The following TTC28 variants were observed in gnomAD, a reference collection of about 807,000 sequenced individuals.
The protein encoded by TTC28 is tetratricopeptide repeat domain 28, also known as tetratricopeptide repeat protein 28.
A neutral mutation model predicts 198.0 loss-of-function variants in TTC28; 61 were observed. The ratio of observed to expected loss-of-function variants is 0.31; its 90% CI spans 0.25 to 0.38. TTC28 has a LOEUF of 0.38. TTC28 is among the 10% of genes least tolerant of loss of function. TTC28 has a pLI of 1.00. For missense variants in TTC28, 2,678 were observed against 3,164.0 expected (o/e 0.85, Z 3.69); for synonymous variants, 1,171 against 1,297.8 (o/e 0.90, Z 2.10).
chr22:28,040,291 G>T (rs1441488557), intron 12 of TTC28, among the ~76,000 whole-genome samples: 7 of 152,078 alleles, frequency 4.6e-5, no homozygotes, highest in African/African-American at 1.4e-4. Context: ...CAAAAAAAGA[G>T]AATTTTAGGC....
chr22:28,126,607 T>C (rs1293581280), intron 6 of TTC28, among the ~76,000 whole-genome samples: 1 of 152,230 alleles, frequency 6.6e-6, no homozygotes, highest in Non-Finnish European at 1.5e-5. Context: ...AAGGCAGTCA[T>C]TATACAAATA....
intron 2 of TTC28, among the ~76,000 whole-genome samples, chr22:28,406,459 G>C (rs1220104528): frequency 6.6e-6 from 1 of 152,212 alleles, no homozygotes; most frequent in Non-Finnish European, 1.5e-5. Flanking sequence ...GCTTGAGACA[G>C]ATGGGGAAGA....
At chr22:28,318,205 G>A (rs767090977) in intron 2 of TTC28, among the ~76,000 whole-genome samples, 8 of 151,870 alleles carry the variant, frequency 5.3e-5, no homozygotes, top group East Asian at 1.9e-4. Flanking sequence ...CCACTGCCCC[G>A]GCCGCCTCCA....
intron 2 of TTC28, among the ~76,000 whole-genome samples, chr22:28,585,437 A>G (rs371611139): frequency 6.6e-6 from 1 of 152,160 alleles, no homozygotes; most frequent in African/African-American, 2.4e-5. Flanking sequence ...TAAGGCTCCT[A>G]TGCGAATCTA....
At chr22:28,022,022 G>A (rs1569087721) in intron 13 of TTC28, among the ~76,000 whole-genome samples, 1 of 152,228 alleles carries the variant, frequency 6.6e-6, no homozygotes, top group Non-Finnish European at 1.5e-5. Flanking sequence ...TGTGACTAAT[G>A]AGTAAACAAA....
intron 2 of TTC28, among the ~76,000 whole-genome samples, chr22:28,424,862 T>C (rs575168639): frequency 2.0e-5 from 3 of 152,352 alleles, no homozygotes; most frequent in African/African-American, 7.2e-5. Context: ...CTAAAGCATG[T>C]GAATATTTCA....
intron 2 of TTC28, among the ~76,000 whole-genome samples, chr22:28,572,325 A>G (rs1016015392): frequency 3.3e-5 from 5 of 152,216 alleles, no homozygotes; most frequent in Admixed American, 6.5e-5. Flanking sequence ...TGTCTAAAAA[A>G]AGAATTGCTC....
At chr22:28,029,238 G>T in intron 13 of TTC28, 1 of 400,808 alleles carries the variant, frequency 2.5e-6, no homozygotes, top group South Asian at 1.9e-5. Context: ...TACATCCCCT[G>T]CCCTTGGCTC....
intron 2 of TTC28, among the ~76,000 whole-genome samples, chr22:28,593,516 A>AG (rs1569046839): frequency 2.8e-5 from 4 of 144,406 alleles, no homozygotes; most frequent in African/African-American, 1.0e-4. Context: ...TAGGTAGGTA[A>AG]GTAGGTGGAT....
intron 5 of TTC28, among the ~76,000 whole-genome samples, chr22:28,184,405 G>C (rs1255066737): frequency 1.3e-5 from 2 of 152,016 alleles, no homozygotes; most frequent in African/African-American, 2.4e-5. Context: ...TGTGGCATTT[G>C]TCAGTGTTCC....
chr22:28,554,337 C>T (rs1044734481), intron 2 of TTC28, among the ~76,000 whole-genome samples: 3 of 150,140 alleles, frequency 2.0e-5, no homozygotes, highest in Admixed American at 2.0e-4. Context: ...CCTGCCAAAT[C>T]CCCCTCTGCA....
chr22:28,512,862 G>A (rs113704486), intron 2 of TTC28, among the ~76,000 whole-genome samples: 21 of 152,020 alleles, frequency 1.4e-4, no homozygotes, highest in South Asian at 4.2e-4. Flanking sequence ...AAAGAACCAC[G>A]GCGCATTTTT....
intron 2 of TTC28, among the ~76,000 whole-genome samples, chr22:28,473,098 C>T (rs2048119896): frequency 6.6e-6 from 1 of 151,944 alleles, no homozygotes; most frequent in Non-Finnish European, 1.5e-5. Context: ...GAGAAGGTGG[C>T]TCATAATTAT....
chr22:28,270,580 AC>A, intron 5 of TTC28, among the ~76,000 whole-genome samples: 1 of 152,286 alleles, frequency 6.6e-6, no homozygotes, highest in East Asian at 1.9e-4. Flanking sequence ...TACAGAGGTC[AC>A]TCAGCAATAT....
At chr22:27,996,669 C>T (rs768746274) in intron 16 of TTC28, among the ~76,000 whole-genome samples, 2 of 152,124 alleles carry the variant, frequency 1.3e-5, no homozygotes, top group Non-Finnish European at 2.9e-5. Context: ...GCGGCTACTC[C>T]TCCAGTTCTA....
At chr22:28,567,475 CATACATATATATATAT>C (rs1316767930) in intron 2 of TTC28, among the ~76,000 whole-genome samples, 8 of 13,776 alleles carry the variant, frequency 5.8e-4, no homozygotes, top group South Asian at 3.0e-3. Context: ...CATATACATA[CATACATATATATATAT>C]ATATATATAT....
At chr22:28,638,909 TCCCA>T (rs902447055) in intron 1 of TTC28, among the ~76,000 whole-genome samples, 4 of 152,180 alleles carry the variant, frequency 2.6e-5, no homozygotes, top group African/African-American at 9.7e-5. Flanking sequence ...CAAGCTATCC[TCCCA>T]CCTCTCACTA....
At chr22:28,649,912 CCCTGAGGCAATTACT>C (rs1347671054) in intron 1 of TTC28, among the ~76,000 whole-genome samples, 5 of 152,068 alleles carry the variant, frequency 3.3e-5, no homozygotes, top group African/African-American at 9.7e-5. Flanking sequence ...TAATAAAAAT[CCCTGAGGCAATTACT>C]GATCTCTGAA....
intron 2 of TTC28, among the ~76,000 whole-genome samples, chr22:28,401,296 C>A (rs1019313640): frequency 2.6e-5 from 4 of 152,068 alleles, no homozygotes; most frequent in African/African-American, 9.7e-5. Flanking sequence ...GGGCTAAAGT[C>A]TCTTGATAAA....
Sources: gnomAD v4.1 joint callset for allele counts (sites outside exome capture counted in the v4.1 genomes callset) on GRCh38, gnomAD v4.1.1 for gene constraint, MANE v1.5 for transcripts, NCBI Gene and HGNC (gene_info 2026-07-23, HGNC 2026-07-21) for gene names.